The following SNX29 variants were observed in gnomAD, a reference collection of about 807,000 sequenced individuals.
The protein encoded by SNX29 is sorting nexin 29, also known as sorting nexin-29.
Under a neutral mutation model 102.1 loss-of-function variants are expected in SNX29, and 78 were observed. The ratio of observed to expected loss-of-function variants is 0.76; its 90% confidence interval spans 0.64 to 0.92. The LOEUF is 0.92. SNX29 is among the 40% of genes least tolerant of loss of function. The pLI is 0.00. For synonymous variants in SNX29, 580 were observed against 414.5 expected, an observed-to-expected ratio of 1.40 and a Z score of -4.85; for missense variants, 1,280 against 1,061.7, an observed-to-expected ratio of 1.21 and a Z score of -2.86.
At chr16:12,196,831 G>T (rs570749981) in intron 13 of SNX29, among the ~76,000 whole-genome samples, 1 of 152,146 alleles carries the variant, frequency 6.6e-6, no homozygotes, top group East Asian at 1.9e-4. Flanking sequence ...ATGTTGGCCA[G>T]GCTGATCTCA....
intron 13 of SNX29, among the ~76,000 whole-genome samples, chr16:12,139,615 G>T (rs72784672): frequency 0.052 from 7,904 of 152,234 alleles, 225 homozygotes; most frequent in Middle Eastern, 0.068. Flanking sequence ...GTGGATGGTC[G>T]TTTGCCCCAA....
At chr16:12,494,331 G>A (rs1484964516) in intron 19 of SNX29, among the ~76,000 whole-genome samples, 12 of 152,182 alleles carry the variant, frequency 7.9e-5, no homozygotes, top group South Asian at 2.1e-4. Context: ...TGGTGCACAC[G>A]CTTGTTTAAT....
At chr16:12,199,749 C>T (rs369206296) in intron 14 of SNX29, 66 bp downstream of exon 14, 79 of 1,295,516 alleles carry the variant, frequency 6.1e-5, no homozygotes, top group Non-Finnish European at 7.7e-5. Context: ...GTACGTGGCA[C>T]GCAATAGACA....
At chr16:12,344,172 T>C (rs2081703043) in intron 15 of SNX29, among the ~76,000 whole-genome samples, 1 of 152,178 alleles carries the variant, frequency 6.6e-6, no homozygotes, top group Non-Finnish European at 1.5e-5. Flanking sequence ...AACTTGTGAG[T>C]CCATTAAACC....
At chr16:12,088,833 C>A (rs112723028) in intron 11 of SNX29, among the ~76,000 whole-genome samples, 4 of 152,170 alleles carry the variant, frequency 2.6e-5, no homozygotes, top group Non-Finnish European at 5.9e-5. Flanking sequence ...TGCCTATAAT[C>A]CCAGCACTTT....
chr16:12,216,880 G>C (rs139717129), intron 14 of SNX29, among the ~76,000 whole-genome samples: 1 of 152,146 alleles, frequency 6.6e-6, no homozygotes, highest in African/African-American at 2.4e-5. Flanking sequence ...GTTTGCCCAC[G>C]ACACTTTCAT....
chr16:12,213,899 G>A (rs1302489077), intron 14 of SNX29, among the ~76,000 whole-genome samples: 2 of 152,204 alleles, frequency 1.3e-5, no homozygotes, highest in Non-Finnish European at 2.9e-5. Flanking sequence ...TAGGCAGCCA[G>A]GAGTCCCTGC....
At chr16:12,117,642 G>A (rs1043048864) in intron 11 of SNX29, among the ~76,000 whole-genome samples, 7 of 152,218 alleles carry the variant, frequency 4.6e-5, no homozygotes, top group African/African-American at 1.7e-4. Flanking sequence ...ATTGCTTAAT[G>A]GGTAAGAGGT....
chr16:12,415,730 C>G (rs140282444), intron 18 of SNX29, among the ~76,000 whole-genome samples: 1 of 152,160 alleles, frequency 6.6e-6, no homozygotes, highest in Non-Finnish European at 1.5e-5. Context: ...GACTCTCCTC[C>G]CCAGCGGGTC....
At chr16:12,126,832 TA>T (rs2054232741) in intron 12 of SNX29, 136 bp downstream of exon 12, 2 of 842,372 alleles carry the variant, frequency 2.4e-6, no homozygotes, top group Admixed American at 4.5e-5. Context: ...TCGTCAGGGA[TA>T]TGCCACTGTG....
chr16:12,413,945 C>G (rs1319708688), intron 18 of SNX29, among the ~76,000 whole-genome samples: 1 of 152,228 alleles, frequency 6.6e-6, no homozygotes, highest in African/African-American at 2.4e-5. Context: ...TGAGGGTGCT[C>G]AAGTCCCTCA....
intron 18 of SNX29, among the ~76,000 whole-genome samples, chr16:12,475,350 G>T (rs190370172): frequency 2.7e-4 from 41 of 152,274 alleles, no homozygotes; most frequent in Non-Finnish European, 4.4e-5. Context: ...TATGTTGGTG[G>T]AAAAATAACA....
intron 18 of SNX29, among the ~76,000 whole-genome samples, chr16:12,445,352 C>T (rs28387375): frequency 0.22 from 32,832 of 151,908 alleles, 3,483 homozygotes; most frequent in South Asian, 0.31. Flanking sequence ...GAGATGCCCC[C>T]GCTTCAGGGC....
intron 1 of SNX29, among the ~76,000 whole-genome samples, chr16:11,993,750 T>C (rs2055948535): frequency 6.6e-6 from 1 of 152,128 alleles, no homozygotes; most frequent in Admixed American, 6.6e-5. Flanking sequence ...GGCAGAAGGC[T>C]AGAGATTTGT....
At chr16:12,568,364 C>A in intron 20 of SNX29, 142 bp from the exon 21 acceptor site, 4 of 1,118,736 alleles carry the variant, frequency 3.6e-6, no homozygotes, top group South Asian at 1.6e-5. Context: ...CTTCAGGTGG[C>A]ACCAGTTAGA....
chr16:12,436,244 C>A (rs553820304), intron 18 of SNX29, among the ~76,000 whole-genome samples: 56 of 152,308 alleles, frequency 3.7e-4, no homozygotes, highest in African/African-American at 1.3e-3. Context: ...CCTCCCTGGG[C>A]CCAGGCATCA....
chr16:12,539,675 C>A (rs1046669182), intron 20 of SNX29, among the ~76,000 whole-genome samples: 8 of 152,174 alleles, frequency 5.3e-5, no homozygotes, highest in Admixed American at 6.5e-5. Flanking sequence ...GGCCCAGTTG[C>A]TCTGCACCCT....
At chr16:12,557,148 C>A (rs549806665) in intron 20 of SNX29, among the ~76,000 whole-genome samples, 1 of 152,072 alleles carries the variant, frequency 6.6e-6, no homozygotes, top group African/African-American at 2.4e-5. Flanking sequence ...TGCCCCTGGT[C>A]ACAATTTCCA....
At chr16:12,287,330 T>A (rs2079631858) in intron 15 of SNX29, among the ~76,000 whole-genome samples, 1 of 152,198 alleles carries the variant, frequency 6.6e-6, no homozygotes, top group Non-Finnish European at 1.5e-5. Context: ...AAGGAAGGTC[T>A]CTGAAGGAAG....
Sources: gnomAD v4.1 joint callset for allele counts (sites outside exome capture counted in the v4.1 genomes callset) on GRCh38, gnomAD v4.1.1 for gene constraint, MANE v1.5 for transcripts, NCBI Gene and HGNC (gene_info 2026-07-23, HGNC 2026-07-21) for gene names.